Variants in VGLL2 observed in about 807,000 individuals in gnomAD.
VGLL2 encodes vestigial like family member 2, also known as transcription cofactor vestigial-like protein 2.
VGLL2 carries 18 observed loss-of-function variants against 27.0 expected under a neutral mutation model. The observed-to-expected ratio is 0.67, with a 90% CI of 0.46 to 0.99. VGLL2 has a LOEUF of 0.99. Ranked by LOEUF, VGLL2 falls within the 50% of genes least tolerant of loss-of-function variation. The pLI is 0.00. For missense variants in VGLL2, 491 were observed against 452.3 expected, an observed-to-expected ratio of 1.09 and a Z score of -0.78; for synonymous variants, 220 against 201.1, an observed-to-expected ratio of 1.09 and a Z score of -0.80.
At chr6:117,266,987 T>C (rs565010730) in intron 1 of VGLL2, among the ~76,000 whole-genome samples, 1 of 152,310 alleles carries the variant, frequency 6.6e-6, no homozygotes, top group East Asian at 1.9e-4. Context: ...GAGTTCCTCT[T>C]GTAGGGAAGG....
Position 117,272,634 on chromosome 6 carries a change from A to C in VGLL2, c.*140A>C. The C allele has an allele frequency of 2.6e-6, 3 of 1,160,762 alleles. No homozygotes were observed. The highest frequency in any genetic ancestry group is 3.7e-6 in the Non-Finnish European group (3 of 815,672). 71.9% of individuals were successfully genotyped at this position (1,160,762 alleles called of 1,614,324 possible). On this transcript the variant is annotated 3_prime_UTR_variant, in exon 4 of 4. Transcript: ENST00000326274. ...TCTCAGTGTGTTGGGAAAACCAAAA[A>C]CCACAACTACAGAAATTCATCTAAA... is the stretch of plus-strand genomic sequence containing the variant.
intron 1 of VGLL2, among the ~76,000 whole-genome samples, chr6:117,266,529 C>G (rs1023771793): frequency 1.1e-4 from 17 of 152,188 alleles, no homozygotes; most frequent in Non-Finnish European, 2.9e-5. Flanking sequence ...TGGGGAAGCC[C>G]TGCTTCCAAC....
At chr6:117,267,820 C>T (rs1284828066) in intron 1 of VGLL2, among the ~76,000 whole-genome samples, 1 of 152,166 alleles carries the variant, frequency 6.6e-6, no homozygotes, top group Non-Finnish European at 1.5e-5. Flanking sequence ...CCCTTGGAGT[C>T]TGATTTTAAA....
At chr6:117,265,916 A>T (rs556352022) in intron 1 of VGLL2, 72 bp downstream of exon 1, 1 of 1,393,376 alleles carries the variant, frequency 7.2e-7, no homozygotes, top group East Asian at 2.3e-5. Context: ...CCTGTACGCC[A>T]AGGTCTGCTG....
rs1185864162 is a variant in VGLL2, at chr6:117,272,878, A to G, written c.*384A>G. ...TAGGTAGTGTGATTATAGCACTACT[A>G]CTGTCAGATTTTAAATTGTATGTGT... On this transcript the variant is annotated 3_prime_UTR_variant, in exon 4 of 4. Coordinates refer to ENST00000326274, the MANE Select transcript of VGLL2 (RefSeq NM_182645.3). 1 of 238,786 alleles carries G rather than the reference A, an allele frequency of 4.2e-6. No individual in the cohort carries two copies. The highest frequency in any genetic ancestry group is 2.3e-5 in the African/African-American group (1 of 43,762). 14.8% of individuals were successfully genotyped at this position (238,786 alleles called of 1,614,324 possible).
chr6:117,272,587 G>T lies in VGLL2; in HGVS notation c.*93G>T, dbSNP rs934891806. ...TCTCACTCCGTGGATGAGGACATGG[G>T]GGAAGGCAGAGACTTCAGACTTCTC... On this transcript the variant is annotated 3_prime_UTR_variant, in exon 4 of 4. Transcript: ENST00000326274. 5.1e-6 allele frequency: 8 copies of T among 1,580,044 alleles called. No individual in the cohort carries two copies. The highest frequency in any genetic ancestry group is 6.9e-6 in the Non-Finnish European group (8 of 1,157,932).
chr6:117,272,728 CT>C lies in VGLL2; in HGVS notation c.*235del. ...TGTTTAATGACTTTTGGCCGAATCA[CT>C]GGAAATATCTGTGGTGAGATTGCTG... On this transcript the variant is annotated 3_prime_UTR_variant, in exon 4 of 4. Transcript: ENST00000326274. The C allele has an allele frequency of 1.8e-6, 1 of 564,962 alleles. No homozygotes were observed. Among genetic ancestry groups the C allele is most frequent in the Non-Finnish European group, 3.0e-6 (1 of 328,488 alleles). The allele number at this position is 564,962 out of a possible 1,614,324, so 35.0% of individuals were successfully genotyped here.
At position 117,265,601 on chromosome 6, in the gene VGLL2, G is replaced by T. The variant is rs1350365827; in HGVS notation, c.-163G>T. 9.3e-6 allele frequency: 6 copies of T among 646,524 alleles called. No homozygotes were observed. Among genetic ancestry groups the T allele is most frequent in the African/African-American group, 9.0e-5 (5 of 55,546 alleles). 40.0% of individuals were successfully genotyped at this position (646,524 alleles called of 1,614,324 possible). ...GGTCGGGAGTAAAATCGCAGGAGTG[G>T]GAGGGTAGCGAGCCAGCTGGATTCC... On this transcript the variant is annotated 5_prime_UTR_variant, in exon 1 of 4. Coordinates refer to ENST00000326274, the MANE Select transcript of VGLL2 (RefSeq NM_182645.3).
rs1047772314 is a variant in VGLL2, at chr6:117,273,488, G to A, written c.*994G>A. The stretch of plus-strand genomic sequence containing the variant: ...TTGGTCACTTTAGTGTTGGGACAGG[G>A]GAAAGGGTCTGTGCGTGGGCAAAGC... On this transcript the variant is annotated 3_prime_UTR_variant, in exon 4 of 4. Coordinates refer to ENST00000326274, the MANE Select transcript of VGLL2 (RefSeq NM_182645.3). The A allele has an allele frequency of 2.0e-5, 3 of 152,178 alleles. No individual in the cohort carries two copies. The highest frequency in any genetic ancestry group is 7.2e-5 in the African/African-American group (3 of 41,428). The allele number at this position is 152,178 out of a possible 1,614,324, so 9.4% of individuals were successfully genotyped here.
In VGLL2 at chr6:117,273,330, C is replaced by G. The variant is rs1488799050; in HGVS notation, c.*836C>G. The G allele has an allele frequency of 6.6e-6, 1 of 152,148 alleles. No individual in the cohort carries two copies. The highest frequency in any genetic ancestry group is 2.4e-5 in the African/African-American group (1 of 41,420). 9.4% of individuals were successfully genotyped at this position (152,148 alleles called of 1,614,324 possible). On this transcript the variant is annotated 3_prime_UTR_variant, in exon 4 of 4. Coordinates refer to ENST00000326274, the MANE Select transcript of VGLL2 (RefSeq NM_182645.3). ...TCTCCCACGAATTCTGTCCCTGTAT[C>G]CTCTGGATGTAAAAAGCAAGGAGAG...
intron 1 of VGLL2, among the ~76,000 whole-genome samples, chr6:117,267,895 C>T (rs1164324442): frequency 2.0e-5 from 3 of 152,196 alleles, no homozygotes; most frequent in African/African-American, 7.2e-5. Context: ...GCTTAGGTGT[C>T]TCCTGAAACC....
rs1773243735 is a variant in VGLL2 at position 117,273,385 on chromosome 6, G to A, written c.*891G>A. Reference sequence around the variant, plus strand: ...CAACTGTCTCCATGGAGAAGAACTAGGAATCACCACAAGGGGAAGAAATGT... The same window carrying A: ...CAACTGTCTCCATGGAGAAGAACTAAGAATCACCACAAGGGGAAGAAATGT... On this transcript the variant is annotated 3_prime_UTR_variant, in exon 4 of 4. Coordinates refer to ENST00000326274, the MANE Select transcript of VGLL2 (RefSeq NM_182645.3). 1 of 152,162 alleles carries A rather than the reference G, an allele frequency of 6.6e-6. No homozygotes were observed. Among genetic ancestry groups the A allele is most frequent in the Admixed American group, 6.5e-5 (1 of 15,276 alleles). The allele number at this position is 152,162 out of a possible 1,614,324, so 9.4% of individuals were successfully genotyped here.
In VGLL2 at chr6:117,266,411, A is replaced by T. The variant is rs1364741386; in HGVS notation, c.81+567A>T. Among the ~76,000 whole-genome samples the T allele has an allele frequency of 2.0e-5, 3 of 152,164 alleles. No individual in the cohort carries two copies. The East Asian group carries it at 5.8e-4, about 29-fold the overall frequency. ...TTCAAAGAGCACCGCGCAGTTTTATAATTTTTTCCTTTGCGAAGTTCTGGG... is the reference window on the plus strand; with the variant it reads ...TTCAAAGAGCACCGCGCAGTTTTATTATTTTTTCCTTTGCGAAGTTCTGGG... On this transcript the variant is annotated intron_variant, in intron 1 of 3. Coordinates refer to ENST00000326274, the MANE Select transcript of VGLL2 (RefSeq NM_182645.3).
In VGLL2 at chr6:117,270,685, G is replaced by C. The variant is rs775344391; in HGVS notation, c.534G>C (p.Ser178=). ...ELPFAAADPY[S]PAALHGHLHQ... Reference sequence around the variant, plus strand: ...CCTTCGCCGCCGCCGACCCCTACTCGCCCGCCGCGCTGCATGGCCACCTGC... The same window carrying C: ...CCTTCGCCGCCGCCGACCCCTACTCCCCCGCCGCGCTGCATGGCCACCTGC... The change falls in exon 3 of 4, where the codon TCG becomes TCC. Residue 178 remains serine, a synonymous_variant. Transcript: ENST00000326274. 2 of 1,542,446 alleles carry C rather than the reference G, an allele frequency of 1.3e-6. No individual in the cohort carries two copies. Among genetic ancestry groups the C allele is most frequent in the South Asian group, 2.4e-5 (2 of 85,018 alleles).
In VGLL2 at chr6:117,268,378, G is replaced by A. The variant is rs1202262117; in HGVS notation, c.278G>A (p.Gly93Glu). The A allele has an allele frequency of 1.2e-6, 2 of 1,613,922 alleles. No individual in the cohort carries two copies. The highest frequency in any genetic ancestry group is 1.3e-5 in the African/African-American group (1 of 74,844). ...TGCGTCCTCTTCACTTATTTCCAGG[G>A]GGACATCAGCTCCGTGGTGGATGAA... ...SRCVLFTYFQ[G>E]DISSVVDEHF... is the part of the protein sequence containing the mutation. The change falls in exon 2 of 4, where the codon GGG becomes GAG. Residue 93 changes from glycine (G) to glutamate (E), a missense_variant. Coordinates refer to ENST00000326274, the MANE Select transcript of VGLL2 (RefSeq NM_182645.3).
intron 3 of VGLL2, among the ~76,000 whole-genome samples, chr6:117,271,385 A>G (rs71570843): frequency 0.074 from 11,173 of 151,208 alleles, 552 homozygotes; most frequent in East Asian, 0.13. Flanking sequence ...GCGCTGTTCA[A>G]TACTGTAGCC....
chr6:117,268,745 A>G (rs886250135), intron 2 of VGLL2, among the ~76,000 whole-genome samples: 20 of 152,216 alleles, frequency 1.3e-4, no homozygotes, highest in Non-Finnish European at 2.5e-4. Flanking sequence ...TCCTAGCAAT[A>G]TAACCTTGGG....
chr6:117,268,470 A>T lies in VGLL2; in HGVS notation c.370A>T (p.Arg124Trp), dbSNP rs766913239. ...TAGCTGTACCAGCAGCAAAGCACCA[A>T]GGAGCTCTGGGCCCTGGCGAGGTGA... ...SPSCTSSKAP[R>W]SSGPWRDCSF... The change falls in exon 2 of 4, where the codon AGG (arginine) becomes TGG (tryptophan). Residue 124 changes from arginine (R) to tryptophan (W), a missense_variant. Transcript: ENST00000326274. 3.1e-6 allele frequency: 5 copies of T among 1,612,326 alleles called. No homozygotes were observed. The South Asian group carries it at 5.5e-5, about 18-fold the overall frequency.
At chr6:117,268,139 C>T (rs766410935) in intron 1 of VGLL2, 43 bp from the exon 2 acceptor site, 103 of 1,589,726 alleles carry the variant, frequency 6.5e-5, no homozygotes, top group African/African-American at 9.5e-5. Context: ...AATTTGCCAT[C>T]GCTTTTGAAA....
Sources: allele counts gnomAD v4.1 joint callset (sites outside exome capture counted in the v4.1 genomes callset), GRCh38; gene constraint gnomAD v4.1.1; transcripts MANE v1.5; gene names NCBI Gene and HGNC (gene_info 2026-07-23, HGNC 2026-07-21).